Variants in AK9 observed in about 807,000 individuals in gnomAD.
AK9 encodes the protein adenylate kinase domain containing 1.
AK9 carries 191 observed loss-of-function variants against 239.6 expected under a neutral mutation model. That is an observed-to-expected ratio of 0.80 (90% CI 0.71 to 0.90). AK9 has a LOEUF of 0.90. AK9 is among the 40% of genes least tolerant of loss of function. AK9 has a pLI of 0.00. For missense variants in AK9, 1,995 were observed against 2,214.7 expected, an observed-to-expected ratio of 0.90 and a Z score of 1.99; for synonymous variants, 689 against 721.0, an observed-to-expected ratio of 0.96 and a Z score of 0.71.
intron 29 of AK9, among the ~76,000 whole-genome samples, chr6:109,527,304 A>G (rs1265981509): frequency 6.6e-6 from 1 of 152,236 alleles, no homozygotes; most frequent in African/African-American, 2.4e-5. Flanking sequence ...AAAGACAATG[A>G]TTTTGTTTAG....
intron 8 of AK9, among the ~76,000 whole-genome samples, chr6:109,649,355 C>G (rs1798573434): frequency 6.6e-6 from 1 of 151,996 alleles, no homozygotes; most frequent in Non-Finnish European, 1.5e-5. Flanking sequence ...ATCGTCTCAG[C>G]CCAAAATCTC....
At chr6:109,537,174 G>A (rs1216573965) in intron 27 of AK9, among the ~76,000 whole-genome samples, 1 of 152,146 alleles carries the variant, frequency 6.6e-6, no homozygotes. Flanking sequence ...GTTTCAGAAG[G>A]ATTGGTACCA....
chr6:109,533,122 T>A lies in AK9; in HGVS notation c.3570+129A>T, dbSNP rs549984650. 8.1e-5 allele frequency: 56 copies of A among 688,328 alleles called. No individual in the cohort carries two copies. The South Asian group carries it at 1.7e-3, about 21-fold the overall frequency. 42.6% of individuals were successfully genotyped at this position (688,328 alleles called of 1,614,324 possible). A position where few individuals can be genotyped will look rare whatever the true frequency, so the allele number is the denominator to read the frequency against. ...CTCTTATTATAGTCTTAATATTCGA[T>A]GAAAAATATTTCATGCTTACTGTGG... On this transcript the variant is annotated intron_variant, in intron 28 of 40. Coordinates refer to ENST00000424296, the MANE Select transcript of AK9 (RefSeq NM_001145128.3).
At chr6:109,617,707 C>T (rs918570777) in intron 13 of AK9, among the ~76,000 whole-genome samples, 5 of 151,990 alleles carry the variant, frequency 3.3e-5, no homozygotes, top group East Asian at 1.9e-4. Flanking sequence ...TGTAATTTTG[C>T]GTATACCATA....
chr6:109,663,139 T>C (rs1312817830), intron 5 of AK9, among the ~76,000 whole-genome samples: 6 of 152,204 alleles, frequency 3.9e-5, no homozygotes, highest in Non-Finnish European at 8.8e-5. Flanking sequence ...ACTATAATTT[T>C]CTGTTTTTTA....
At chr6:109,621,614 C>A (rs1467182201) in intron 12 of AK9, among the ~76,000 whole-genome samples, 1 of 89,876 alleles carries the variant, frequency 1.1e-5, no homozygotes, top group Non-Finnish European at 2.1e-5. Context: ...AAATTGGAAA[C>A]CATCATTCTC....
In AK9 at chr6:109,509,247, T is replaced by C. The variant is rs1244539798; in HGVS notation, c.4413A>G (p.Thr1471=). The change falls in exon 33 of 41, where the codon ACA becomes ACG. Residue 1471 remains threonine, a synonymous_variant. Coordinates refer to ENST00000424296, the MANE Select transcript of AK9 (RefSeq NM_001145128.3). The part of the protein sequence containing the change: ...MLNWHLHKGM[T]APDELAIQAL... ...CTTGAATAGCCAGTTCATCAGGTGCTGTCATTCCTTTATGAAGATGCCAAT... is the reference window on the plus strand; with the variant it reads ...CTTGAATAGCCAGTTCATCAGGTGCCGTCATTCCTTTATGAAGATGCCAAT... 1.3e-6 allele frequency: 2 copies of C among 1,552,166 alleles called. No homozygotes were observed. Among genetic ancestry groups the C allele is most frequent in the Admixed American group, 3.9e-5 (2 of 51,008 alleles).
chr6:109,503,388 T>G (rs911932538), intron 35 of AK9, among the ~76,000 whole-genome samples: 1 of 152,066 alleles, frequency 6.6e-6, no homozygotes, highest in African/African-American at 2.4e-5. Flanking sequence ...CTTTTTCTAA[T>G]TATTGGGATA....
In AK9 at chr6:109,533,406, G is replaced by A. The variant is rs751690548; in HGVS notation, c.3415C>T (p.Arg1139Cys). The A allele has an allele frequency of 8.1e-6, 13 of 1,610,422 alleles. No individual in the cohort carries two copies. Among genetic ancestry groups the A allele is most frequent in the African/African-American group, 1.3e-5 (1 of 74,906 alleles). Residue 1139 changes from arginine (R) to cysteine (C), a missense_variant, in exon 28 of 41, where the codon CGT becomes TGT. Physicochemically the swap from Arg to Cys is radical, Grantham distance 180. Coordinates refer to ENST00000424296, the MANE Select transcript of AK9 (RefSeq NM_001145128.3). ...YPEEAQFLGDRGFFPDAAVFI... is the reference protein window; with the variant it reads ...YPEEAQFLGDCGFFPDAAVFI... The stretch of plus-strand genomic sequence containing the variant: ...ACAGCTGCATCTGGGAAAAATCCAC[G>A]ATCTCCCAAAAACTGGGCCTCTTCT...
intron 6 of AK9, 53 bp downstream of exon 6, chr6:109,662,498 C>T: frequency 7.6e-7 from 1 of 1,313,600 alleles, no homozygotes; most frequent in Non-Finnish European, 1.0e-6. Context: ...TTGAATTTAA[C>T]TACTATCAAA....
chr6:109,630,967 A>G (rs965385856), intron 12 of AK9, among the ~76,000 whole-genome samples: 1 of 152,226 alleles, frequency 6.6e-6, no homozygotes, highest in East Asian at 1.9e-4. Context: ...TTCTTCAATG[A>G]TCCTGAAACA....
intron 17 of AK9, among the ~76,000 whole-genome samples, chr6:109,604,166 C>G (rs532451385): frequency 6.6e-6 from 1 of 152,120 alleles, no homozygotes; most frequent in Non-Finnish European, 1.5e-5. Flanking sequence ...GCGTCATTCA[C>G]GCTGGGAGCT....
At position 109,656,774 on chromosome 6, in the gene AK9, T is replaced by C. The variant is rs150128474; in HGVS notation, c.741A>G (p.Thr247=). The C allele has an allele frequency of 7.3e-4, 1,166 of 1,595,594 alleles. 2 individuals carry two copies. The highest frequency in any genetic ancestry group is 9.5e-4 in the Non-Finnish European group (1,112 of 1,166,200). Residue 247 remains threonine, a synonymous_variant, in exon 8 of 41, where the codon ACA becomes ACG. Coordinates refer to ENST00000424296, the MANE Select transcript of AK9 (RefSeq NM_001145128.3). The part of the protein sequence containing the change: ...VENIVKLYKE[T]ILQTLEEVMA... ...TTCTTACTTCTAAAGTTTGGAGAAT[T>C]GTTTCCTTATAAAGCTTAACAATGT...
In AK9 at chr6:109,545,987, T is replaced by G. The variant is rs538571470; in HGVS notation, c.3105A>C (p.Glu1035Asp). The G allele has an allele frequency of 6.2e-7, 1 of 1,614,232 alleles. No homozygotes were observed. Among genetic ancestry groups the G allele is most frequent in the African/African-American group, 1.3e-5 (1 of 75,070 alleles). The change falls in exon 26 of 41, where the codon GAA (glutamate) becomes GAC (aspartate). Residue 1035 changes from glutamate (E) to aspartate (D), a missense_variant. By Grantham distance (45) the Glu-to-Asp change is conservative. This residue lies in a region of AK9 where 1,290 missense variants were observed against 1,392.7 expected (regional missense o/e 0.93). Coordinates refer to ENST00000424296, the MANE Select transcript of AK9 (RefSeq NM_001145128.3). The part of the protein sequence containing the change: ...VLQEKLLLKT[E>D]KKVGPEFEED... ...CCTCAAATTCAGGTCCCACTTTCTT[T>G]TCAGTTTTGAGTAGTAGTTTTTCTT...
At chr6:109,525,235 A>G (rs917319135) in intron 29 of AK9, among the ~76,000 whole-genome samples, 1 of 152,152 alleles carries the variant, frequency 6.6e-6, no homozygotes, top group Non-Finnish European at 1.5e-5. Context: ...TACCAGTACC[A>G]TGCTGTTTTG....
At chr6:109,561,827 A>G (rs1172965498) in intron 24 of AK9, among the ~76,000 whole-genome samples, 6 of 152,114 alleles carry the variant, frequency 3.9e-5, no homozygotes, top group Non-Finnish European at 7.3e-5. Flanking sequence ...GTGCTTGAGC[A>G]TATTTATTTA....
chr6:109,563,521 G>A, intron 24 of AK9, 76 bp downstream of exon 24: 1 of 1,513,060 alleles, frequency 6.6e-7, no homozygotes, highest in Non-Finnish European at 8.8e-7. Context: ...GGGTCCAAAA[G>A]TGATAGTTAC....
At chr6:109,674,296 A>T in intron 2 of AK9, 35 bp from the exon 3 acceptor site, 1 of 1,438,480 alleles carries the variant, frequency 7.0e-7, no homozygotes, top group Non-Finnish European at 9.4e-7. Flanking sequence ...AGCCCAATAG[A>T]ACAGTTACTT....
intron 19 of AK9, among the ~76,000 whole-genome samples, chr6:109,583,309 T>C (rs1030771463): frequency 2.0e-5 from 3 of 152,200 alleles, no homozygotes; most frequent in Admixed American, 6.5e-5. Context: ...CCCACTTGGA[T>C]AGATGATCCA....
Sources: gnomAD v4.1 joint callset for allele counts (sites outside exome capture counted in the v4.1 genomes callset) on GRCh38, gnomAD v4.1.1 for gene constraint, gnomAD v4.1.1 regional missense constraint, MANE v1.5 for transcripts, NCBI Gene and HGNC (gene_info 2026-07-23, HGNC 2026-07-21) for gene names.